Variants in PCSK2 observed in about 807,000 individuals in gnomAD.
The protein encoded by PCSK2 is neuroendocrine convertase 2.
In PCSK2, 14 loss-of-function variants were observed where a neutral mutation model predicts 69.7. The ratio of observed to expected loss-of-function variants is 0.20; its 90% CI spans 0.13 to 0.31. The LOEUF is 0.31. Ranked by LOEUF, PCSK2 falls within the 10% of genes least tolerant of loss-of-function variation. The pLI is 1.00. For synonymous variants in PCSK2, 307 were observed against 320.7 expected (o/e 0.96, Z 0.46); for missense variants, 544 against 842.5 (o/e 0.65, Z 4.39).
chr20:17,292,286 A>AT (rs1337858135), intron 2 of PCSK2, among the ~76,000 whole-genome samples: 1 of 152,020 alleles, frequency 6.6e-6, no homozygotes, highest in Non-Finnish European at 1.5e-5. Flanking sequence ...ATTTTAAAGC[A>AT]TTTTTTCTTG....
intron 1 of PCSK2, among the ~76,000 whole-genome samples, chr20:17,241,035 A>T (rs1592020): frequency 2.0e-5 from 3 of 152,216 alleles, no homozygotes; most frequent in South Asian, 4.1e-4. Context: ...TTCTAGGATC[A>T]GTTCGCGCTG....
chr20:17,480,224 C>G lies in PCSK2; in HGVS notation c.1431-1360C>G, dbSNP rs113814470. Among the ~76,000 whole-genome samples, 873 of 105,928 alleles carry G rather than the reference C, an allele frequency of 8.2e-3. 8 individuals are homozygous for G. The highest frequency in any genetic ancestry group is 0.026 in the Middle Eastern group (4 of 152). The allele number at this position is 105,928 out of a possible 152,430, so 69.5% of individuals were successfully genotyped here. ...TTTTTTTTTGAGGCAGAGTCTCGCT[C>G]TGTCACCCAGGCTGGAGTGCAGTGG... On this transcript the variant is annotated intron_variant, in intron 11 of 11. Coordinates refer to ENST00000262545, the MANE Select transcript of PCSK2 (RefSeq NM_002594.5).
At chr20:17,450,589 G>A (rs925487255) in intron 8 of PCSK2, among the ~76,000 whole-genome samples, 3 of 152,170 alleles carry the variant, frequency 2.0e-5, no homozygotes, top group Non-Finnish European at 4.4e-5. Context: ...AGGCAGAAAT[G>A]GATCAAGCCT....
intron 2 of PCSK2, among the ~76,000 whole-genome samples, chr20:17,312,331 T>C (rs1459356313): frequency 2.0e-5 from 3 of 152,148 alleles, no homozygotes; most frequent in African/African-American, 7.2e-5. Flanking sequence ...AAATCCTCTT[T>C]TCCTTGACTG....
rs574101403 is a variant in PCSK2 at position 17,442,032 on chromosome 20, A to G, written c.885+5149A>G. ...ATTTAAAAGACAAAAAAAAAAAAAA[A>G]GAACAGGAACATCTGGGCACAGATA... On this transcript the variant is annotated intron_variant, in intron 8 of 11. Coordinates refer to ENST00000262545, the MANE Select transcript of PCSK2 (RefSeq NM_002594.5). Among the ~76,000 whole-genome samples, 807 of 150,640 alleles carry G rather than the reference A, an allele frequency of 5.4e-3. 2 individuals are homozygous for G. Among genetic ancestry groups the G allele is most frequent in the Non-Finnish European group, 8.8e-3 (594 of 67,616 alleles).
intron 2 of PCSK2, among the ~76,000 whole-genome samples, chr20:17,298,349 T>A (rs1334244433): frequency 6.6e-6 from 1 of 152,084 alleles, no homozygotes; most frequent in Admixed American, 6.6e-5. Flanking sequence ...AGAAATGGGG[T>A]GATTTTGGCC....
At chr20:17,469,547 T>TAA (rs778449318) in intron 11 of PCSK2, among the ~76,000 whole-genome samples, 14 of 140,006 alleles carry the variant, frequency 1.0e-4, no homozygotes, top group Admixed American at 4.3e-4. Flanking sequence ...CCAGAAAGGA[T>TAA]AAAAAAAAAA....
intron 9 of PCSK2, 22 bp from the exon 10 acceptor site, chr20:17,456,326 T>A (rs2032922426): frequency 1.5e-6 from 2 of 1,373,954 alleles, no homozygotes; most frequent in Non-Finnish European, 2.1e-6. Flanking sequence ...ATCCACTCAT[T>A]ACTCATTATC....
chr20:17,333,641 G>C (rs961628596), intron 2 of PCSK2, among the ~76,000 whole-genome samples: 1 of 151,916 alleles, frequency 6.6e-6, no homozygotes. Context: ...TCATTTGTTA[G>C]TACTAAGAAG....
chr20:17,249,559 T>C (rs1226787126), intron 1 of PCSK2, among the ~76,000 whole-genome samples: 1 of 149,858 alleles, frequency 6.7e-6, no homozygotes, highest in Non-Finnish European at 1.5e-5. Context: ...CCTATGTTCA[T>C]GGCAGCATTA....
intron 3 of PCSK2, 127 bp downstream of exon 3, chr20:17,358,567 T>A: frequency 1.6e-6 from 1 of 606,348 alleles, no homozygotes; most frequent in Non-Finnish European, 3.0e-6. Flanking sequence ...CTCTGTCCCC[T>A]TACATATGTA....
intron 2 of PCSK2, among the ~76,000 whole-genome samples, chr20:17,321,321 T>G (rs1989860238): frequency 6.6e-6 from 1 of 152,210 alleles, no homozygotes; most frequent in Non-Finnish European, 1.5e-5. Flanking sequence ...GTGACAGAAG[T>G]ATGTAAGCAG....
chr20:17,373,795 G>C (rs1360398284), intron 5 of PCSK2, among the ~76,000 whole-genome samples: 1 of 152,124 alleles, frequency 6.6e-6, no homozygotes, highest in Non-Finnish European at 1.5e-5. Context: ...TAAAATACTT[G>C]GAAAATTGCA....
chr20:17,248,895 A>C (rs1230350568), intron 1 of PCSK2, among the ~76,000 whole-genome samples: 3 of 152,172 alleles, frequency 2.0e-5, no homozygotes, highest in Non-Finnish European at 4.4e-5. Flanking sequence ...CCACACAAGC[A>C]GTGTGGATTT....
intron 2 of PCSK2, among the ~76,000 whole-genome samples, chr20:17,292,007 C>T (rs1209252921): frequency 2.0e-5 from 3 of 152,110 alleles, no homozygotes; most frequent in South Asian, 2.1e-4. Flanking sequence ...ATTGCCCACA[C>T]CTTTTGGCAA....
At chr20:17,351,796 A>C (rs1261435775) in intron 2 of PCSK2, among the ~76,000 whole-genome samples, 1 of 152,178 alleles carries the variant, frequency 6.6e-6, no homozygotes, top group Non-Finnish European at 1.5e-5. Flanking sequence ...AACAAGACAA[A>C]GATGCCTACT....
In PCSK2 at chr20:17,429,522, A is replaced by G; in HGVS notation, c.708A>G (p.Ala236=). ...GVGVAYNSKV[A]GIRMLDQPFM... is the part of the protein sequence containing the mutation. ...GAGTAGCATACAACTCCAAGGTTGC[A>G]GGTAAGCCATCCCTGCCAAACAGAG... Residue 236 remains alanine (A), a splice_region_variant and synonymous_variant, in exon 7 of 12, where the codon GCA becomes GCG. Coordinates refer to ENST00000262545, the MANE Select transcript of PCSK2 (RefSeq NM_002594.5). 2 of 1,609,118 alleles carry G rather than the reference A, an allele frequency of 1.2e-6. No individual in the cohort carries two copies. The highest frequency in any genetic ancestry group is 1.7e-6 in the Non-Finnish European group (2 of 1,175,840).
rs551902035 is a variant in PCSK2, at chr20:17,446,926, T to C, written c.886-6816T>C. Among the ~76,000 whole-genome samples the C allele has an allele frequency of 2.0e-5, 3 of 152,208 alleles. No homozygotes were observed. The East Asian group carries it at 5.8e-4, about 29-fold the overall frequency. Reference sequence around the variant, plus strand: ...ATAATGAAAATCTAGCTCAGTTTCTTAATACAGGAAGAGCTCTTACAAACC... The same window carrying C: ...ATAATGAAAATCTAGCTCAGTTTCTCAATACAGGAAGAGCTCTTACAAACC... On this transcript the variant is annotated intron_variant, in intron 8 of 11. Transcript: ENST00000262545.
At chr20:17,465,036 T>A (rs1284279567) in intron 10 of PCSK2, 6 of 426,094 alleles carry the variant, frequency 1.4e-5, no homozygotes, top group Non-Finnish European at 2.6e-5. Context: ...TCTTCAACAC[T>A]TAACATTGTC....
Sources: gnomAD v4.1 joint callset for allele counts (sites outside exome capture counted in the v4.1 genomes callset) on GRCh38, gnomAD v4.1.1 for gene constraint, MANE v1.5 for transcripts, NCBI Gene and HGNC (gene_info 2026-07-23, HGNC 2026-07-21) for gene names.